CERKL: variants seen among roughly 807,000 people sequenced by gnomAD.
CERKL encodes the protein CERK like autophagy regulator.
In CERKL, 61 loss-of-function variants were observed where a neutral mutation model predicts 63.4. The ratio of observed to expected loss-of-function variants is 0.96; its 90% CI spans 0.78 to 1.19. The LOEUF is 1.19. CERKL is among the 50% of genes most tolerant of loss of function. CERKL has a pLI of 0.00. For missense variants in CERKL, 675 were observed against 655.5 expected, an observed-to-expected ratio of 1.03 and a Z score of -0.33; for synonymous variants, 250 against 230.5, an observed-to-expected ratio of 1.08 and a Z score of -0.77.
intron 2 of CERKL, among the ~76,000 whole-genome samples, chr2:181,589,415 CT>C: frequency 6.6e-6 from 1 of 152,252 alleles, no homozygotes; most frequent in Non-Finnish European, 1.5e-5. Flanking sequence ...CTTTTTCCAC[CT>C]TTCATAATAG....
chr2:181,549,119 C>T (rs754001160), intron 6 of CERKL, among the ~76,000 whole-genome samples: 4 of 151,968 alleles, frequency 2.6e-5, no homozygotes, highest in Admixed American at 2.0e-4. Context: ...GTCAAAGAAA[C>T]GAAGTTAAAG....
intron 1 of CERKL, among the ~76,000 whole-genome samples, chr2:181,642,715 T>C (rs374768316): frequency 1.3e-5 from 2 of 152,196 alleles, no homozygotes; most frequent in South Asian, 2.1e-4. Flanking sequence ...GCCATAATTA[T>C]GATTCAAAGG....
At chr2:181,604,496 A>C (rs1404198527) in intron 1 of CERKL, among the ~76,000 whole-genome samples, 1 of 152,208 alleles carries the variant, frequency 6.6e-6, no homozygotes, top group Admixed American at 6.5e-5. Context: ...GAATTAGATT[A>C]AAAATAGAAT....
rs1161581426 is a variant in CERKL at position 181,594,085 on chromosome 2, C to T, written c.481+9752G>A. 2.0e-5 allele frequency among the ~76,000 whole-genome samples: 3 copies of T among 152,160 alleles called. No individual in the cohort carries two copies. In the East Asian group the frequency reaches 5.8e-4, roughly 29 times the overall value. On this transcript the variant is annotated intron_variant, in intron 2 of 12. Transcript: ENST00000410087. ...TATAACAGAAGCAACTAGAATAATG[C>T]CTACCACATAATAGATAAGGAGAAT...
At chr2:181,647,384 C>T (rs947345871) in intron 1 of CERKL, among the ~76,000 whole-genome samples, 2 of 152,204 alleles carry the variant, frequency 1.3e-5, no homozygotes, top group Non-Finnish European at 1.5e-5. Flanking sequence ...CAAAAGACAG[C>T]TTGTCAGCCC....
At chr2:181,569,245 C>G (rs1451168730) in intron 3 of CERKL, among the ~76,000 whole-genome samples, 19 of 152,150 alleles carry the variant, frequency 1.2e-4, no homozygotes, top group Admixed American at 1.2e-3. Flanking sequence ...GAATCTTTTA[C>G]ACAGAATTAT....
At chr2:181,596,768 T>C (rs1446991002) in intron 2 of CERKL, among the ~76,000 whole-genome samples, 1 of 152,210 alleles carries the variant, frequency 6.6e-6, no homozygotes, top group Non-Finnish European at 1.5e-5. Flanking sequence ...TGGCTGTCCA[T>C]GGTACTTGGT....
rs148264765 is a variant in CERKL, at chr2:181,603,898, A to T, written c.420T>A (p.Leu140=). The T allele has an allele frequency of 2.8e-5, 45 of 1,612,144 alleles. No individual in the cohort carries two copies. Among genetic ancestry groups the T allele is most frequent in the Non-Finnish European group, 3.6e-5 (42 of 1,178,556 alleles). ...QNKLKNSTLD[L]INLSEDHCDI... ...CACAGTGGTCTTCACTTAAATTAAT[A>T]AGATCAAGTGTAGAATTCTTTAGTT... The change falls in exon 2 of 13, where the codon CTT becomes CTA. Residue 140 remains leucine, a synonymous_variant. Transcript: ENST00000410087.
At position 181,539,132 on chromosome 2, in the gene CERKL, C is replaced by G. The variant is rs771072583; in HGVS notation, c.1498G>C (p.Asp500His). Residue 500 changes from aspartate to histidine, a missense_variant, in exon 12 of 13, where the codon GAT becomes CAT. By Grantham distance (81) the Asp-to-His change is moderately conservative. Transcript: ENST00000410087. ...GATGCAACTTCCATTAAGTCACCATCTACATTCCAAGGGAAACAATTTTCT... is the reference window on the plus strand; with the variant it reads ...GATGCAACTTCCATTAAGTCACCATGTACATTCCAAGGGAAACAATTTTCT... Reference protein sequence around the residue: ...ASENCFPWNVDGDLMEVASEV... With the variant: ...ASENCFPWNVHGDLMEVASEV... 1 of 1,608,734 alleles carries G rather than the reference C, an allele frequency of 6.2e-7. No individual in the cohort carries two copies. Among genetic ancestry groups the G allele is most frequent in the South Asian group, 1.1e-5 (1 of 90,956 alleles).
chr2:181,630,228 C>G (rs75952542), intron 1 of CERKL, among the ~76,000 whole-genome samples: 3,255 of 152,064 alleles, frequency 0.021, 72 homozygotes, highest in Middle Eastern at 0.044. Flanking sequence ...CCTGCCCCCC[C>G]AGAGTCGGGG....
chr2:181,593,564 A>T (rs1685073502), intron 2 of CERKL, among the ~76,000 whole-genome samples: 1 of 151,920 alleles, frequency 6.6e-6, no homozygotes. Context: ...CACCACTGGT[A>T]AAAGTTGGGC....
intron 2 of CERKL, among the ~76,000 whole-genome samples, chr2:181,587,980 T>C (rs1025545624): frequency 4.6e-5 from 7 of 152,148 alleles, no homozygotes; most frequent in Non-Finnish European, 1.0e-4. Context: ...ATTAGAGAGT[T>C]TAAAATTTTT....
chr2:181,572,027 T>C (rs1283204903), intron 3 of CERKL, among the ~76,000 whole-genome samples: 1 of 152,086 alleles, frequency 6.6e-6, no homozygotes, highest in Non-Finnish European at 1.5e-5. Context: ...ATGTAAAAAC[T>C]GAGGAAAGTA....
intron 1 of CERKL, among the ~76,000 whole-genome samples, 174 bp from the exon 2 acceptor site, chr2:181,604,253 C>T (rs1027441728): frequency 2.6e-5 from 4 of 152,038 alleles, no homozygotes; most frequent in African/African-American, 9.7e-5. Context: ...AACAAACCCC[C>T]ATGACACAAA....
rs1688310170 is a variant in CERKL, at chr2:181,558,668, C to T, written c.718G>A (p.Ala240Thr). 1.2e-6 allele frequency: 2 copies of T among 1,613,504 alleles called. No individual in the cohort carries two copies. The highest frequency in any genetic ancestry group is 8.5e-7 in the Non-Finnish European group (1 of 1,179,746). Residue 240 changes from alanine (A) to threonine (T), a missense_variant, in exon 5 of 13, where the codon GCC becomes ACC. Transcript: ENST00000410087. The surrounding 1 kb of genome is among the most constrained non-coding windows in gnomAD (Gnocchi z 4.2). ...TGAGCTCTCAGAAGCAAAGCATGGG[C>T]TACTTCGCTAGCAGATCCATCTCCA... is the stretch of plus-strand genomic sequence containing the variant. Reference protein sequence around the residue: ...VGGDGSASEVAHALLLRAQKN... With the variant: ...VGGDGSASEVTHALLLRAQKN...
In CERKL at chr2:181,573,876, T is replaced by C; in HGVS notation, c.490A>G (p.Asn164Asp). Residue 164 changes from asparagine to aspartate, a missense_variant, in exon 3 of 13, where the codon AAC becomes GAC. Transcript: ENST00000410087. ...QFKKILAGFP[N>D]RPKSLKILLN... Reference sequence around the variant, plus strand: ...AGTATTTTTAATGACTTCGGTCTGTTTGGAAAGCCTAAGAAGAAATTTTAA... The same window carrying C: ...AGTATTTTTAATGACTTCGGTCTGTCTGGAAAGCCTAAGAAGAAATTTTAA... The C allele has an allele frequency of 6.2e-7, 1 of 1,612,566 alleles. No homozygotes were observed. Among genetic ancestry groups the C allele is most frequent in the South Asian group, 1.1e-5 (1 of 90,740 alleles).
chr2:181,571,189 G>A (rs1574459978), intron 3 of CERKL, among the ~76,000 whole-genome samples: 1 of 152,164 alleles, frequency 6.6e-6, no homozygotes, highest in Admixed American at 6.5e-5. Flanking sequence ...CATAAATATT[G>A]AGCCAATATG....
chr2:181,559,858 C>G (rs1447087787), intron 4 of CERKL, among the ~76,000 whole-genome samples: 1 of 152,112 alleles, frequency 6.6e-6, no homozygotes, highest in African/African-American at 2.4e-5. Flanking sequence ...CCCCATCTTC[C>G]TCATCCCACT....
At chr2:181,563,346 T>C (rs1688525255) in intron 4 of CERKL, among the ~76,000 whole-genome samples, 1 of 152,072 alleles carries the variant, frequency 6.6e-6, no homozygotes, top group Non-Finnish European at 1.5e-5. Context: ...AAAAAATAAA[T>C]ACAACTCCAA....
Sources: gnomAD v4.1 joint callset for allele counts (sites outside exome capture counted in the v4.1 genomes callset) on GRCh38, gnomAD v4.1.1 for gene constraint, Gnocchi (gnomAD v3.1) non-coding constraint, MANE v1.5 for transcripts, NCBI Gene and HGNC (gene_info 2026-07-23, HGNC 2026-07-21) for gene names.